FKBP11: variants seen among roughly 807,000 people sequenced by gnomAD.
FKBP11 encodes FKBP prolyl isomerase 11.
FKBP11 carries 21 observed loss-of-function variants against 24.7 expected under a neutral mutation model. The ratio of observed to expected loss-of-function variants is 0.85; its 90% CI spans 0.60 to 1.23. The LOEUF (loss-of-function observed/expected upper bound fraction) is 1.23, where lower values mean the gene tolerates loss of function less well. FKBP11 is among the 50% of genes most tolerant of loss of function. FKBP11 has a pLI of 0.00. For missense variants in FKBP11, 245 were observed against 248.7 expected (o/e 0.99, Z 0.10); for synonymous variants, 106 against 100.6 (o/e 1.05, Z -0.32).
chr12:48,930,164 G>A (rs1012976123), upstream of FKBP11, among the ~76,000 whole-genome samples: 2 of 152,174 alleles, frequency 1.3e-5, no homozygotes. Flanking sequence ...ATACTGAGAA[G>A]CCATTAAAAG....
the FKBP11 span, among the ~76,000 whole-genome samples, chr12:48,935,018 CAAAAAAA>C: frequency 6.3e-4 from 55 of 87,510 alleles, no homozygotes; most frequent in Middle Eastern, 6.0e-3. Context: ...AATTCCGTCT[CAAAAAAA>C]AAAAAAAAAA....
chr12:48,927,431 G>A (rs1939992919), upstream of FKBP11, among the ~76,000 whole-genome samples: 2 of 152,062 alleles, frequency 1.3e-5, no homozygotes. Flanking sequence ...GGGTTACATG[G>A]GTGTATGCAT....
upstream of FKBP11, among the ~76,000 whole-genome samples, chr12:48,928,818 C>CTTTTTTTTTTTTTTTTTTTTT (rs1196484675): frequency 1.1e-5 from 1 of 94,234 alleles, no homozygotes; most frequent in African/African-American, 3.9e-5. Flanking sequence ...AAACTTCTAT[C>CTTTTTTTTTTTTTTTTTTTTT]TTTTTTTTTT....
chr12:48,931,795 T>C, the FKBP11 span: 111,463 of 272,908 alleles, frequency 0.41, 24,853 homozygotes, highest in South Asian at 0.54. Flanking sequence ...TAAGTGTTTA[T>C]TTATAACAGG....
the FKBP11 span, chr12:48,931,643 G>A: frequency 6.6e-6 from 4 of 608,432 alleles, no homozygotes; most frequent in Non-Finnish European, 8.6e-6. Flanking sequence ...CACAGTACCT[G>A]GGCTTCCAAG....
At position 48,925,037 on chromosome 12, in the gene FKBP11, A is replaced by AC. The variant is rs772215656; in HGVS notation, c.195+8dup. ...CCCAGGCCCCGCCCCGGCCCCCCAGACCCCTCACCGTGTAGTGTATGTGAA... is the reference window on the plus strand; with the variant it reads ...CCCAGGCCCCGCCCCGGCCCCCCAGACCCCCTCACCGTGTAGTGTATGTGAA... On this transcript the variant is annotated intron_variant, in intron 2 of 5. Transcript: ENST00000550765. 6.3e-7 allele frequency: 1 copy of AC among 1,591,416 alleles called. No homozygotes were observed. Among genetic ancestry groups the AC allele is most frequent in the Non-Finnish European group, 8.6e-7 (1 of 1,166,644 alleles).
At chr12:48,933,698 CA>C in the FKBP11 span, among the ~76,000 whole-genome samples, 189 of 103,284 alleles carry the variant, frequency 1.8e-3, no homozygotes, top group African/African-American at 2.2e-3. Flanking sequence ...GACTCCGTCT[CA>C]AAAAAAAAAA....
chr12:48,930,999 G>A (rs1327303751), upstream of FKBP11, among the ~76,000 whole-genome samples: 1 of 151,774 alleles, frequency 6.6e-6, no homozygotes, highest in Non-Finnish European at 1.5e-5. Flanking sequence ...CGTGGTGGCG[G>A]GTACCTGTAG....
the FKBP11 span, among the ~76,000 whole-genome samples, chr12:48,932,517 C>T: frequency 6.6e-6 from 1 of 151,572 alleles, no homozygotes; most frequent in African/African-American, 2.4e-5. Flanking sequence ...TTACTTACTT[C>T]CTCCACTCTT....
the FKBP11 span, among the ~76,000 whole-genome samples, chr12:48,932,745 T>C: frequency 6.6e-6 from 1 of 152,108 alleles, no homozygotes; most frequent in East Asian, 1.9e-4. Context: ...GGGAGGACCC[T>C]GAACGATATA....
chr12:48,923,290 C>T, intron 5 of FKBP11: 1 of 1,406,014 alleles, frequency 7.1e-7, no homozygotes, highest in Non-Finnish European at 9.2e-7. Context: ...TAGACATCGG[C>T]AGTGACCAAT....
Position 48,922,086 on chromosome 12 carries a change from G to C in FKBP11, c.504C>G (p.Leu168=). 3 of 1,614,154 alleles carry C rather than the reference G, an allele frequency of 1.9e-6. No homozygotes were observed. The highest frequency in any genetic ancestry group is 1.1e-5 in the South Asian group (1 of 91,080). Residue 168 remains leucine, a synonymous_variant, in exon 6 of 6, where the codon CTC becomes CTG. Transcript: ENST00000550765. ...ATAGGTGATACCCAATGAGGCCCAGGAGGGCTGGCACCATGGCCATCCCTA... is the reference window on the plus strand; with the variant it reads ...ATAGGTGATACCCAATGAGGCCCAGCAGGGCTGGCACCATGGCCATCCCTA... ...PLVGMAMVPA[L]LGLIGYHLYR...
rs745622342 is a variant in FKBP11, at chr12:48,925,375, GAGCAGCAGC to G, written c.45_53del (p.Leu16_Leu18del). On this transcript the variant is annotated inframe_deletion, in exon 1 of 6. Coordinates refer to ENST00000550765, the MANE Select transcript of FKBP11 (RefSeq NM_016594.3). Reference sequence around the variant, plus strand: ...CCTCAGCCCGGCACACCGCCGCACTGAGCAGCAGCAGCAGCAGCAGATGGAGCGGGAGGA... The same window carrying G: ...CCTCAGCCCGGCACACCGCCGCACTGAGCAGCAGCAGATGGAGCGGGAGGA... 3.6e-5 allele frequency: 58 copies of G among 1,601,680 alleles called. No homozygotes were observed. Among genetic ancestry groups the G allele is most frequent in the South Asian group, 3.3e-4 (29 of 88,772 alleles).
upstream of FKBP11, among the ~76,000 whole-genome samples, chr12:48,927,361 C>T (rs976244087): frequency 1.3e-5 from 2 of 152,058 alleles, no homozygotes; most frequent in African/African-American, 4.8e-5. Flanking sequence ...AAAAAAAAGT[C>T]CCCTCAGCAG....
At chr12:48,924,709 A>C (rs1292946500) in intron 2 of FKBP11, 61 bp from the exon 3 acceptor site, 29 of 1,590,544 alleles carry the variant, frequency 1.8e-5, no homozygotes, top group Admixed American at 1.2e-4. Flanking sequence ...GCAGGCGCGC[A>C]ACACACACCT....
At chr12:48,937,486 T>C in the FKBP11 span, 1 of 152,352 alleles carries the variant, frequency 6.6e-6, no homozygotes, top group Admixed American at 6.5e-5. Context: ...AACAACTACA[T>C]AATAATGCGG....
intron 3 of FKBP11, 33 bp downstream of exon 3, chr12:48,924,528 G>A: frequency 6.3e-7 from 1 of 1,585,074 alleles, no homozygotes; most frequent in African/African-American, 1.3e-5. Flanking sequence ...CTTAGGTTGG[G>A]AAGAGGTGGA....
At chr12:48,936,313 T>C in the FKBP11 span, 1 of 152,618 alleles carries the variant, frequency 6.6e-6, no homozygotes, top group Non-Finnish European at 1.5e-5. Context: ...ACAGTCTACA[T>C]TCCAGAGGAG....
At chr12:48,928,818 C>CTTTTTTTTTTTTTT (rs1196484675), upstream of FKBP11, among the ~76,000 whole-genome samples, 2 of 94,234 alleles carry the variant, frequency 2.1e-5, no homozygotes, top group African/African-American at 7.8e-5. Flanking sequence ...AAACTTCTAT[C>CTTTTTTTTTTTTTT]TTTTTTTTTT....
Sources: gnomAD v4.1 joint callset for allele counts (sites outside exome capture counted in the v4.1 genomes callset) on GRCh38, gnomAD v4.1.1 for gene constraint, MANE v1.5 for transcripts, NCBI Gene and HGNC (gene_info 2026-07-23, HGNC 2026-07-21) for gene names.